The following STOX1 variants were observed in gnomAD, a reference collection of about 807,000 sequenced individuals.
STOX1 encodes the protein storkhead-box protein 1.
A neutral mutation model predicts 74.8 loss-of-function variants in STOX1; 57 were observed. That is an observed-to-expected ratio of 0.76 (90% CI 0.62 to 0.95). The LOEUF (loss-of-function observed/expected upper bound fraction) is 0.95, where lower values mean the gene tolerates loss of function less well. Among genes scored for constraint, STOX1 ranks in the 40% least tolerant of loss-of-function variants. The probability of loss-of-function intolerance (pLI) is 0.00; values close to 1 mark genes in which losing one functional copy is unlikely to be tolerated. For missense variants in STOX1, 1,010 were observed against 1,117.0 expected, an observed-to-expected ratio of 0.90 and a Z score of 1.37; for synonymous variants, 375 against 401.3, an observed-to-expected ratio of 0.93 and a Z score of 0.78.
downstream of STOX1, among the ~76,000 whole-genome samples, chr10:68,893,906 A>G (rs1841148639): frequency 1.3e-5 from 2 of 152,170 alleles, no homozygotes; most frequent in Admixed American, 6.5e-5. Flanking sequence ...ATTTCCACTC[A>G]TGGTAAGACC....
At chr10:68,878,026 A>G (rs1840721757) in intron 1 of STOX1, among the ~76,000 whole-genome samples, 2 of 152,192 alleles carry the variant, frequency 1.3e-5, no homozygotes, top group African/African-American at 2.4e-5. Flanking sequence ...ATAGGAGGAT[A>G]GGAAAAGGCC....
intron 1 of STOX1, among the ~76,000 whole-genome samples, chr10:68,858,668 C>T (rs1412463849): frequency 2.0e-5 from 3 of 151,966 alleles, no homozygotes; most frequent in African/African-American, 4.8e-5. Flanking sequence ...GATTGGGACA[C>T]GAGCGGTTCA....
chr10:68,889,914 C>T (rs1050228806), intron 3 of STOX1, among the ~76,000 whole-genome samples: 3 of 151,464 alleles, frequency 2.0e-5, no homozygotes, highest in South Asian at 2.1e-4. Context: ...GGACTACATG[C>T]GTGAGCCACC....
chr10:68,875,049 G>A (rs1840643045), intron 1 of STOX1, among the ~76,000 whole-genome samples: 1 of 152,186 alleles, frequency 6.6e-6, no homozygotes. Flanking sequence ...AAATGCTTAT[G>A]ATACCAAAGC....
At chr10:68,846,352 G>C (rs1369987742) in intron 1 of STOX1, among the ~76,000 whole-genome samples, 2 of 150,414 alleles carry the variant, frequency 1.3e-5, no homozygotes, top group Non-Finnish European at 3.0e-5. Context: ...ATTTCACCAT[G>C]TTGGCCAGGC....
At chr10:68,828,961 A>G in intron 1 of STOX1, 1 of 985,398 alleles carries the variant, frequency 1.0e-6, no homozygotes, top group Non-Finnish European at 1.2e-6. Context: ...CGCACCCGTG[A>G]GTGGTCTCTG....
At chr10:68,889,121 T>C (rs1841039248) in intron 3 of STOX1, among the ~76,000 whole-genome samples, 2 of 152,004 alleles carry the variant, frequency 1.3e-5, no homozygotes, top group African/African-American at 4.8e-5. Flanking sequence ...GCTTGGATTA[T>C]AGGCACATGC....
At position 68,868,859 on chromosome 10, in the gene STOX1, A is replaced by G. The variant is rs566741664; in HGVS notation, c.311-13099A>G. On this transcript the variant is annotated intron_variant, in intron 1 of 3. Transcript: ENST00000298596. ...TCAGTAGAAGAACTGACACGTGTCAAATCTATTCCAGGCATTTTCAGATTG... is the reference window on the plus strand; with the variant it reads ...TCAGTAGAAGAACTGACACGTGTCAGATCTATTCCAGGCATTTTCAGATTG... 2.9e-4 allele frequency among the ~76,000 whole-genome samples: 44 copies of G among 152,318 alleles called. No homozygotes were observed. In the South Asian group the frequency reaches 9.1e-3, roughly 32 times the overall value.
intron 1 of STOX1, among the ~76,000 whole-genome samples, chr10:68,834,960 G>T (rs1357563892): frequency 6.6e-6 from 1 of 152,114 alleles, no homozygotes; most frequent in African/African-American, 2.4e-5. Context: ...AAAACCTGAG[G>T]TTATCCATCT....
rs1003280200 is a variant in STOX1, at chr10:68,829,241, G to A, written c.310+1308G>A. On this transcript the variant is annotated intron_variant, in intron 1 of 3. Coordinates refer to ENST00000298596, the MANE Select transcript of STOX1 (RefSeq NM_152709.5). ...TGTAATCCCAGCACTTTGAGAGGCC[G>A]AGGCAAGTGGATCACCTGAGTTCAG... is the stretch of plus-strand genomic sequence containing the variant. 2.0e-5 allele frequency among the ~76,000 whole-genome samples: 3 copies of A among 152,244 alleles called. No homozygotes were observed. The East Asian group carries it at 5.8e-4, about 29-fold the overall frequency.
chr10:68,873,598 A>C (rs1243598350), intron 1 of STOX1, among the ~76,000 whole-genome samples: 2 of 130,540 alleles, frequency 1.5e-5, no homozygotes, highest in Non-Finnish European at 3.3e-5. Flanking sequence ...TTTTAGAAAA[A>C]TTTCAGATAG....
intron 1 of STOX1, among the ~76,000 whole-genome samples, chr10:68,832,738 C>CA (rs1839443080): frequency 6.6e-6 from 1 of 151,130 alleles, no homozygotes; most frequent in Non-Finnish European, 1.5e-5. Flanking sequence ...ATTCATGAGC[C>CA]AGGTACTGTT....
At position 68,885,822 on chromosome 10, in the gene STOX1, G is replaced by GTT; in HGVS notation, c.2027_2028dup (p.Gly677LeufsTer3). 6.2e-7 allele frequency: 1 copy of GTT among 1,614,044 alleles called. No individual in the cohort carries two copies. On this transcript the variant is annotated frameshift_variant, in exon 3 of 4. Coordinates refer to ENST00000298596, the MANE Select transcript of STOX1 (RefSeq NM_152709.5). LOFTEE classifies it high-confidence loss of function. ...AAATCTTGGCCTTTTGGATTACCCA[G>GTT]TTGGCGTGAACCCTTTAAGACAAGC...
intron 1 of STOX1, among the ~76,000 whole-genome samples, chr10:68,861,083 C>A (rs1840255690): frequency 6.6e-6 from 1 of 152,030 alleles, no homozygotes; most frequent in Non-Finnish European, 1.5e-5. Context: ...TGGCACATGC[C>A]TATAATCCTG....
rs188779121 is a variant in STOX1 at position 68,844,053 on chromosome 10, G to A, written c.310+16120G>A. ...AAATTAGCCAGGCGTGGTGGTGGGCGCCTGTAGTCCCAGCTACTTGGGAGC... is the reference window on the plus strand; with the variant it reads ...AAATTAGCCAGGCGTGGTGGTGGGCACCTGTAGTCCCAGCTACTTGGGAGC... On this transcript the variant is annotated intron_variant, in intron 1 of 3. Coordinates refer to ENST00000298596, the MANE Select transcript of STOX1 (RefSeq NM_152709.5). 7.5e-3 allele frequency among the ~76,000 whole-genome samples: 1,142 copies of A among 151,866 alleles called. 14 individuals carry two copies. Among genetic ancestry groups the A allele is most frequent in the African/African-American group, 0.025 (1,046 of 41,504 alleles).
chr10:68,868,868 C>T (rs535391350), intron 1 of STOX1, among the ~76,000 whole-genome samples: 1 of 152,228 alleles, frequency 6.6e-6, no homozygotes, highest in African/African-American at 2.4e-5. Context: ...AAATCTATTC[C>T]AGGCATTTTC....
chr10:68,827,634 C>T lies in STOX1; in HGVS notation c.11C>T (p.Pro4Leu). The T allele has an allele frequency of 5.2e-6, 6 of 1,147,790 alleles. No individual in the cohort carries two copies. Among genetic ancestry groups the T allele is most frequent in the Non-Finnish European group, 5.4e-6 (5 of 933,976 alleles). 71.1% of individuals were successfully genotyped at this position (1,147,790 alleles called of 1,614,324 possible). A position where few individuals can be genotyped will look rare whatever the true frequency, so the allele number is the denominator to read the frequency against. MARPVQLAPGSLAL... is the reference protein window; with the variant it reads MARLVQLAPGSLAL... ...GCCGCCGGCGAAAGCATGGCCCGGCCCGTGCAGCTGGCGCCGGGCTCGCTG... is the reference window on the plus strand; with the variant it reads ...GCCGCCGGCGAAAGCATGGCCCGGCTCGTGCAGCTGGCGCCGGGCTCGCTG... Residue 4 changes from proline to leucine, a missense_variant, in exon 1 of 4, where the codon CCC becomes CTC. Pro to Leu is a moderately conservative substitution (Grantham distance 98). Coordinates refer to ENST00000298596, the MANE Select transcript of STOX1 (RefSeq NM_152709.5).
intron 1 of STOX1, among the ~76,000 whole-genome samples, chr10:68,849,536 C>T (rs1839928590): frequency 6.6e-6 from 1 of 152,070 alleles, no homozygotes; most frequent in Non-Finnish European, 1.5e-5. Context: ...GAGTTTCAGT[C>T]TCAGGGAGCT....
At chr10:68,872,114 G>A (rs1422516247) in intron 1 of STOX1, among the ~76,000 whole-genome samples, 2 of 151,970 alleles carry the variant, frequency 1.3e-5, no homozygotes, top group African/African-American at 4.8e-5. Flanking sequence ...TTCAATACAG[G>A]CGCCCAGAAA....
Sources: allele counts gnomAD v4.1 joint callset (sites outside exome capture counted in the v4.1 genomes callset), GRCh38; gene constraint gnomAD v4.1.1; transcripts MANE v1.5; gene names NCBI Gene and HGNC (gene_info 2026-07-23, HGNC 2026-07-21).